Variants in ARHGAP42 observed in about 807,000 individuals in gnomAD.
ARHGAP42 encodes the protein rho GTPase-activating protein 42.
A neutral mutation model predicts 125.0 loss-of-function variants in ARHGAP42; 63 were observed. The ratio of observed to expected loss-of-function variants is 0.50; its 90% CI spans 0.41 to 0.62. The LOEUF is 0.62. Ranked by LOEUF, ARHGAP42 falls within the 20% of genes least tolerant of loss-of-function variation. ARHGAP42 has a pLI of 0.00. For missense variants in ARHGAP42, 766 were observed against 1,024.2 expected (o/e 0.75, Z 3.44); for synonymous variants, 339 against 351.0 (o/e 0.97, Z 0.38).
At chr11:100,708,770 ACAGAGAT>A (rs1861516786) in intron 1 of ARHGAP42, among the ~76,000 whole-genome samples, 1 of 152,148 alleles carries the variant, frequency 6.6e-6, no homozygotes, top group South Asian at 2.1e-4. Context: ...TTCCTTATCC[ACAGAGAT>A]AAGTTTGAAG....
intron 4 of ARHGAP42, among the ~76,000 whole-genome samples, chr11:100,875,069 C>T (rs1304907428): frequency 8.9e-6 from 1 of 112,926 alleles, no homozygotes; most frequent in Non-Finnish European, 1.8e-5. Flanking sequence ...AAATCTAATC[C>T]ACTGTCTCTC....
At chr11:100,801,853 A>G (rs950570666) in intron 3 of ARHGAP42, among the ~76,000 whole-genome samples, 1 of 152,258 alleles carries the variant, frequency 6.6e-6, no homozygotes, top group Non-Finnish European at 1.5e-5. Context: ...AATGGCACAA[A>G]TATAAGAAAT....
intron 16 of ARHGAP42, among the ~76,000 whole-genome samples, chr11:100,964,357 C>G (rs1474228095): frequency 6.6e-6 from 1 of 152,144 alleles, no homozygotes; most frequent in Non-Finnish European, 1.5e-5. Context: ...GTCAGATTTT[C>G]TTGGAGTAGA....
At chr11:100,693,066 A>G (rs1229280131) in intron 1 of ARHGAP42, among the ~76,000 whole-genome samples, 2 of 152,178 alleles carry the variant, frequency 1.3e-5, no homozygotes, top group African/African-American at 4.8e-5. Flanking sequence ...GAGACTTCCC[A>G]TAGTTACTGC....
At chr11:100,864,238 G>T (rs1170044021) in intron 4 of ARHGAP42, among the ~76,000 whole-genome samples, 1 of 150,842 alleles carries the variant, frequency 6.6e-6, no homozygotes, top group Admixed American at 6.6e-5. Flanking sequence ...AGGCTGGAGT[G>T]CAGTAGCGCA....
rs1394224631 is a variant in ARHGAP42 at position 100,843,395 on chromosome 11, G to C, written c.313-16159G>C. ...TTATTTCTACCAGTCATTCTACCAA[G>C]ACAAGGATGCTCACTCTTACCACTT... is the stretch of plus-strand genomic sequence containing the variant. On this transcript the variant is annotated intron_variant, in intron 3 of 23. Coordinates refer to ENST00000298815, the MANE Select transcript of ARHGAP42 (RefSeq NM_152432.4). 2.0e-5 allele frequency among the ~76,000 whole-genome samples: 3 copies of C among 152,078 alleles called. 1 individual carries two copies. The Middle Eastern group carries it at 0.01, about 517-fold the overall frequency.
At chr11:100,979,670 T>G (rs1371525797) in intron 22 of ARHGAP42, among the ~76,000 whole-genome samples, 2 of 150,636 alleles carry the variant, frequency 1.3e-5, no homozygotes, top group African/African-American at 4.9e-5. Context: ...ATTTGAATAA[T>G]GGAATTTCAT....
At chr11:100,913,297 C>A (rs903878459) in intron 4 of ARHGAP42, among the ~76,000 whole-genome samples, 155 bp from the exon 5 acceptor site, 1 of 152,184 alleles carries the variant, frequency 6.6e-6, no homozygotes, top group Non-Finnish European at 1.5e-5. Context: ...GTTTCACTTA[C>A]ATCTTCCTAT....
chr11:100,973,468 T>G lies in ARHGAP42; in HGVS notation c.1710+134T>G, dbSNP rs1045783232. 5.6e-6 allele frequency: 5 copies of G among 888,106 alleles called. No individual in the cohort carries two copies. In the African/African-American group the frequency reaches 8.6e-5, roughly 15 times the overall value. The allele number at this position is 888,106 out of a possible 1,614,324, so 55.0% of individuals were successfully genotyped here. ...GGGGACTTCAGTTTTCTTTCCTTGT[T>G]GTTTTTAAGTGCTTCTCAAAATCCT... On this transcript the variant is annotated intron_variant, in intron 18 of 23. Coordinates refer to ENST00000298815, the MANE Select transcript of ARHGAP42 (RefSeq NM_152432.4).
chr11:100,890,836 C>G (rs1866199252), intron 4 of ARHGAP42, among the ~76,000 whole-genome samples: 1 of 152,142 alleles, frequency 6.6e-6, no homozygotes, highest in Non-Finnish European at 1.5e-5. Context: ...ATCAAGGATA[C>G]TAGCTAAAAT....
intron 4 of ARHGAP42, among the ~76,000 whole-genome samples, chr11:100,872,588 T>G (rs184114032): frequency 9.2e-5 from 14 of 152,274 alleles, no homozygotes; most frequent in Non-Finnish European, 2.1e-4. Context: ...AGACGGGGTT[T>G]CACCATGTTG....
chr11:100,794,075 C>CAAAAA (rs869272420), intron 2 of ARHGAP42, among the ~76,000 whole-genome samples: 3 of 44,844 alleles, frequency 6.7e-5, no homozygotes, highest in Non-Finnish European at 8.6e-5. Context: ...GACCCTGTCT[C>CAAAAA]AAAAAAAAAA....
chr11:100,792,005 A>G (rs966575270), intron 2 of ARHGAP42, among the ~76,000 whole-genome samples: 1 of 152,176 alleles, frequency 6.6e-6, no homozygotes, highest in Non-Finnish European at 1.5e-5. Context: ...AGACAACTTC[A>G]CGATTTGCTC....
intron 4 of ARHGAP42, among the ~76,000 whole-genome samples, chr11:100,906,249 G>C (rs1866733505): frequency 6.6e-6 from 1 of 152,116 alleles, no homozygotes; most frequent in South Asian, 2.1e-4. Context: ...AGAAGCAGTA[G>C]AATTTTTGAG....
chr11:100,974,407 A>G (rs1294983978), intron 18 of ARHGAP42, 52 bp from the exon 19 acceptor site: 1 of 1,504,034 alleles, frequency 6.6e-7, no homozygotes, highest in Non-Finnish European at 9.0e-7. Context: ...TTTATAATGA[A>G]AGTGGCAATA....
At chr11:100,870,704 G>A (rs999262988) in intron 4 of ARHGAP42, among the ~76,000 whole-genome samples, 2 of 152,124 alleles carry the variant, frequency 1.3e-5, no homozygotes, top group African/African-American at 4.8e-5. Flanking sequence ...TGGAAACACT[G>A]TATTTCACAC....
chr11:100,816,395 G>T (rs892928238), intron 3 of ARHGAP42, among the ~76,000 whole-genome samples: 1 of 152,154 alleles, frequency 6.6e-6, no homozygotes, highest in East Asian at 1.9e-4. Context: ...ACATGGTTGG[G>T]GTGGGTGGAG....
At chr11:100,706,377 G>C (rs1306279564) in intron 1 of ARHGAP42, among the ~76,000 whole-genome samples, 1 of 152,184 alleles carries the variant, frequency 6.6e-6, no homozygotes, top group East Asian at 1.9e-4. Context: ...TGTCAGACTA[G>C]TGTTTGGAGA....
intron 3 of ARHGAP42, among the ~76,000 whole-genome samples, chr11:100,805,097 C>T (rs1484800637): frequency 1.3e-5 from 2 of 152,172 alleles, no homozygotes; most frequent in African/African-American, 4.8e-5. Context: ...ATATGAACAG[C>T]AGTCTTCAGA....
Sources: allele counts gnomAD v4.1 joint callset (sites outside exome capture counted in the v4.1 genomes callset), GRCh38; gene constraint gnomAD v4.1.1; transcripts MANE v1.5; gene names NCBI Gene and HGNC (gene_info 2026-07-23, HGNC 2026-07-21).